CORO2B: variants seen among roughly 807,000 people sequenced by gnomAD.
The protein encoded by CORO2B is coronin 2B, also known as coronin-2B.
In CORO2B, 26 loss-of-function variants were observed where a neutral mutation model predicts 58.8. The ratio of observed to expected loss-of-function variants is 0.44; its 90% CI spans 0.32 to 0.61. The LOEUF is 0.61. CORO2B is among the 20% of genes least tolerant of loss of function. The pLI is 0.04. For missense variants in CORO2B, 460 were observed against 645.1 expected (o/e 0.71, Z 3.11); for synonymous variants, 242 against 253.8 (o/e 0.95, Z 0.44).
chr15:68,704,307 C>T (rs1892732789), intron 3 of CORO2B, among the ~76,000 whole-genome samples: 1 of 151,978 alleles, frequency 6.6e-6, no homozygotes, highest in African/African-American at 2.4e-5. Context: ...TGGGTATGAT[C>T]CCTAATTAAT....
chr15:68,711,390 C>A, intron 4 of CORO2B, 152 bp from the exon 5 acceptor site: 1 of 599,316 alleles, frequency 1.7e-6, no homozygotes, highest in South Asian at 2.3e-5. Flanking sequence ...TCAGCCTTTC[C>A]ATATAGAACT....
At chr15:68,693,822 G>A (rs1448581335) in intron 2 of CORO2B, among the ~76,000 whole-genome samples, 4 of 57,570 alleles carry the variant, frequency 6.9e-5, no homozygotes, top group African/African-American at 2.0e-4. Context: ...AGATCTGGTT[G>A]TGATTTGTTT....
At chr15:68,620,809 A>C (rs1375589901) in intron 1 of CORO2B, among the ~76,000 whole-genome samples, 1 of 152,172 alleles carries the variant, frequency 6.6e-6, no homozygotes, top group Admixed American at 6.5e-5. Flanking sequence ...CAGGGCTAGA[A>C]GGTTTCTAGG....
chr15:68,574,015 G>A (rs562218223), upstream of CORO2B, among the ~76,000 whole-genome samples: 5 of 152,274 alleles, frequency 3.3e-5, no homozygotes, highest in East Asian at 9.7e-4. Context: ...CCTGGGGGAT[G>A]GGGGCAGGTC....
chr15:68,522,020 G>T, the CORO2B span, among the ~76,000 whole-genome samples: 5 of 152,130 alleles, frequency 3.3e-5, no homozygotes, highest in South Asian at 1.0e-3. Flanking sequence ...TGTTGCCCAG[G>T]CTGGTCTTTA....
At chr15:68,559,544 C>T in the CORO2B span, 4 of 980,908 alleles carry the variant, frequency 4.1e-6, no homozygotes, top group Non-Finnish European at 4.8e-6. This position sits in a 1 kb window ranked among gnomAD's most constrained non-coding sequence, Gnocchi z 4.3. Flanking sequence ...CGAAGTTGAC[C>T]GTGCCAAGCC....
At chr15:68,593,965 C>G (rs1244362090) in intron 1 of CORO2B, among the ~76,000 whole-genome samples, 7 of 152,128 alleles carry the variant, frequency 4.6e-5, no homozygotes. Context: ...AAGGGAGGAA[C>G]TAGGCTAACT....
At chr15:68,532,234 T>C in the CORO2B span, among the ~76,000 whole-genome samples, 2 of 152,176 alleles carry the variant, frequency 1.3e-5, no homozygotes, top group Admixed American at 6.5e-5. Flanking sequence ...CCAATATTTC[T>C]TAAATATTTT....
At chr15:68,584,943 T>G (rs1386500500) in intron 1 of CORO2B, among the ~76,000 whole-genome samples, 1 of 129,472 alleles carries the variant, frequency 7.7e-6, no homozygotes, top group African/African-American at 3.0e-5. Flanking sequence ...CGGGACCAGC[T>G]GCTAAGGAGG....
rs1192260415 is a variant in CORO2B, at chr15:68,691,327, C to CAAAAAAAA, written c.217-3804_217-3797dup. 6.8e-3 allele frequency among the ~76,000 whole-genome samples: 65 copies of CAAAAAAAA among 9,540 alleles called. 1 individual carries two copies. The highest frequency in any genetic ancestry group is 0.031 in the East Asian group (1 of 32). The allele number at this position is 9,540 out of a possible 152,430, so 6.3% of individuals were successfully genotyped here. ...CCTGGGAGACAGCGAGACTCCGTCT[C>CAAAAAAAA]AAAAAAAAAAAAAAAAGGCCGGGCG... On this transcript the variant is annotated intron_variant, in intron 2 of 11. Transcript: ENST00000261861.
At chr15:68,601,132 T>C (rs1899971489) in intron 1 of CORO2B, among the ~76,000 whole-genome samples, 1 of 152,116 alleles carries the variant, frequency 6.6e-6, no homozygotes, top group South Asian at 2.1e-4. Context: ...GAGGTAGCCA[T>C]TGGAAAAGCT....
At chr15:68,538,480 A>G in the CORO2B span, among the ~76,000 whole-genome samples, 1 of 152,008 alleles carries the variant, frequency 6.6e-6, no homozygotes, top group Non-Finnish European at 1.5e-5. Flanking sequence ...TGGGCTGGTG[A>G]CTGTGAGGAG....
At chr15:68,646,429 A>C (rs1057166225) in intron 2 of CORO2B, among the ~76,000 whole-genome samples, 1 of 152,138 alleles carries the variant, frequency 6.6e-6, no homozygotes, top group Non-Finnish European at 1.5e-5. Context: ...CTCAAAATTC[A>C]CTGTCAGCTG....
At chr15:68,554,829 C>T in the CORO2B span, among the ~76,000 whole-genome samples, 1 of 152,148 alleles carries the variant, frequency 6.6e-6, no homozygotes, top group Non-Finnish European at 1.5e-5. Context: ...TCCAGGGCTG[C>T]AGGAAGAGGC....
At chr15:68,543,295 G>A in the CORO2B span, among the ~76,000 whole-genome samples, 1 of 152,184 alleles carries the variant, frequency 6.6e-6, no homozygotes, top group African/African-American at 2.4e-5. Context: ...TAATGTGAGT[G>A]GAAATTTCCA....
intron 1 of CORO2B, among the ~76,000 whole-genome samples, chr15:68,590,616 C>T (rs1256598455): frequency 2.0e-5 from 3 of 152,310 alleles, no homozygotes; most frequent in East Asian, 3.9e-4. Context: ...CCTACCACTT[C>T]GCTTAGAACC....
At chr15:68,711,749 G>C in intron 5 of CORO2B, 43 bp downstream of exon 5, 1 of 1,608,860 alleles carries the variant, frequency 6.2e-7, no homozygotes, top group Non-Finnish European at 8.5e-7. Flanking sequence ...AAGGTATTGA[G>C]GGCTGGGGCT....
chr15:68,647,761 A>G (rs1377302711), intron 2 of CORO2B, among the ~76,000 whole-genome samples: 1 of 151,146 alleles, frequency 6.6e-6, no homozygotes, highest in East Asian at 1.9e-4. Context: ...TAATCCCAAC[A>G]CTTTGGGAGG....
the CORO2B span, among the ~76,000 whole-genome samples, chr15:68,562,599 ACT>A: frequency 6.6e-6 from 1 of 152,226 alleles, no homozygotes; most frequent in Non-Finnish European, 1.5e-5. Flanking sequence ...CAAAAAAATT[ACT>A]CATTGTTTCT....
Sources: allele counts gnomAD v4.1 joint callset (sites outside exome capture counted in the v4.1 genomes callset), GRCh38; gene constraint gnomAD v4.1.1; non-coding constraint Gnocchi (gnomAD v3.1); transcripts MANE v1.5; gene names NCBI Gene and HGNC (gene_info 2026-07-23, HGNC 2026-07-21).